FAM117A: variants seen among roughly 807,000 people sequenced by gnomAD.
FAM117A encodes protein FAM117A.
FAM117A carries 21 observed loss-of-function variants against 44.1 expected under a neutral mutation model. That is an observed-to-expected ratio of 0.48 (90% confidence interval 0.34 to 0.69). The LOEUF is 0.69. FAM117A is among the 30% of genes least tolerant of loss of function. The pLI, the probability that FAM117A is intolerant of heterozygous loss-of-function variation, is 0.01. For missense variants in FAM117A, 498 were observed against 589.9 expected (o/e 0.84, Z 1.61); for synonymous variants, 220 against 238.3 (o/e 0.92, Z 0.71).
intron 7 of FAM117A, among the ~76,000 whole-genome samples, chr17:49,712,047 G>A (rs1176328972): frequency 1.3e-5 from 2 of 152,238 alleles, no homozygotes. Context: ...TCAGAAGGCT[G>A]AGGCAGGAGA....
chr17:49,713,020 T>C (rs1419366829), intron 7 of FAM117A, among the ~76,000 whole-genome samples: 1 of 152,204 alleles, frequency 6.6e-6, no homozygotes, highest in African/African-American at 2.4e-5. Context: ...GGATTACAGA[T>C]GCCTGCCACC....
intron 1 of FAM117A, among the ~76,000 whole-genome samples, chr17:49,779,547 A>G (rs575705078): frequency 6.1e-4 from 93 of 152,260 alleles, no homozygotes; most frequent in South Asian, 1.4e-3. Context: ...GAACAGCCCC[A>G]AGACTATGGC....
upstream of FAM117A, among the ~76,000 whole-genome samples, chr17:49,768,619 G>A (rs535765031): frequency 6.6e-6 from 1 of 152,246 alleles, no homozygotes; most frequent in African/African-American, 2.4e-5. Context: ...GCTCCTCAGG[G>A]AACAAGATCC....
At chr17:49,717,479 A>C in intron 6 of FAM117A, 34 bp downstream of exon 6, 1 of 1,605,614 alleles carries the variant, frequency 6.2e-7, no homozygotes, top group South Asian at 1.1e-5. Flanking sequence ...TGTGCCCCAG[A>C]GTCAGCCCTG....
At chr17:49,741,276 T>C (rs1173900339) in intron 1 of FAM117A, among the ~76,000 whole-genome samples, 3 of 152,248 alleles carry the variant, frequency 2.0e-5, no homozygotes, top group African/African-American at 7.2e-5. Flanking sequence ...CCCCTGTTTT[T>C]TGTTTTTATT....
intron 2 of FAM117A, chr17:49,724,593 G>A (rs1252247131): frequency 2.4e-6 from 1 of 422,862 alleles, no homozygotes; most frequent in Non-Finnish European, 4.8e-6. Flanking sequence ...AACACTTTGG[G>A]AGACTGAGGC....
At chr17:49,784,526 C>T (rs2073799756) in intron 1 of FAM117A, among the ~76,000 whole-genome samples, 1 of 152,202 alleles carries the variant, frequency 6.6e-6, no homozygotes. Flanking sequence ...CAAAACCATG[C>T]CTCTTATGTA....
intron 1 of FAM117A, among the ~76,000 whole-genome samples, chr17:49,762,335 G>C (rs2073725423): frequency 6.6e-6 from 1 of 152,148 alleles, no homozygotes; most frequent in Non-Finnish European, 1.5e-5. Context: ...TAGTCTTGTG[G>C]TTTGCTTTAT....
At chr17:49,773,076 C>T (rs1311112525) in intron 1 of FAM117A, among the ~76,000 whole-genome samples, 1 of 152,106 alleles carries the variant, frequency 6.6e-6, no homozygotes, top group Non-Finnish European at 1.5e-5. Flanking sequence ...GAGGCTGAGG[C>T]GAGTGGATCA....
At chr17:49,781,012 G>A (rs1428961564) in intron 1 of FAM117A, among the ~76,000 whole-genome samples, 1 of 152,022 alleles carries the variant, frequency 6.6e-6, no homozygotes, top group Admixed American at 6.6e-5. Context: ...TGTGCTTTTA[G>A]TAGAGACGGG....
At position 49,722,612 on chromosome 17, in the gene FAM117A, CAGTG is replaced by C; in HGVS notation, c.367-22_367-19del. ...AGGGGCGTCTGCAGGGAGAGAAACA[CAGTG>C]AGACACAGCAGCTTCTTTGGCAGGC... On this transcript the variant is annotated intron_variant, in intron 2 of 7. Coordinates refer to ENST00000240364, the MANE Select transcript of FAM117A (RefSeq NM_030802.4). 1 of 1,604,650 alleles carries C rather than the reference CAGTG, an allele frequency of 6.2e-7. No homozygotes were observed. Among genetic ancestry groups the C allele is most frequent in the Non-Finnish European group, 8.5e-7 (1 of 1,172,798 alleles).
intron 1 of FAM117A, among the ~76,000 whole-genome samples, chr17:49,746,535 T>G (rs904521633): frequency 2.0e-5 from 3 of 152,198 alleles, no homozygotes; most frequent in Admixed American, 6.5e-5. Context: ...ATCAAGATAC[T>G]AAGTGAAAGA....
At chr17:49,730,592 C>A (rs1439185012) in intron 2 of FAM117A, among the ~76,000 whole-genome samples, 4 of 152,164 alleles carry the variant, frequency 2.6e-5, no homozygotes, top group Non-Finnish European at 5.9e-5. Context: ...CTTACACACT[C>A]AAAGGAATCT....
intron 1 of FAM117A, among the ~76,000 whole-genome samples, chr17:49,760,758 A>G (rs945840471): frequency 2.6e-5 from 4 of 152,190 alleles, no homozygotes; most frequent in Non-Finnish European, 5.9e-5. Context: ...TCCTAGTCCT[A>G]TTTTGTCCTT....
At position 49,719,854 on chromosome 17, in the gene FAM117A, C is replaced by T. The variant is rs368889183; in HGVS notation, c.614G>A (p.Arg205Gln). ...PSFPSGSPVL[R>Q]LSPCLHRSLE... ...GCTCCTGTGCAGGCAGGGGCTGAGTCGCAAGACAGGGGACCCTGAGGGGAA... is the reference window on the plus strand; with the variant it reads ...GCTCCTGTGCAGGCAGGGGCTGAGTTGCAAGACAGGGGACCCTGAGGGGAA... Residue 205 changes from arginine to glutamine, a missense_variant, in exon 5 of 8, where the codon CGA becomes CAA. Arg to Gln is a conservative substitution (Grantham distance 43). Coordinates refer to ENST00000240364, the MANE Select transcript of FAM117A (RefSeq NM_030802.4). The T allele has an allele frequency of 2.2e-5, 36 of 1,607,482 alleles. No homozygotes were observed. The East Asian group carries it at 3.6e-4, about 16-fold the overall frequency.
intron 1 of FAM117A, among the ~76,000 whole-genome samples, chr17:49,755,778 T>C (rs558304034): frequency 6.6e-6 from 1 of 152,214 alleles, no homozygotes; most frequent in South Asian, 2.1e-4. Flanking sequence ...GGGGGAACAG[T>C]ATGTGGGGAC....
At chr17:49,749,675 C>A (rs2073668540) in intron 1 of FAM117A, among the ~76,000 whole-genome samples, 1 of 147,860 alleles carries the variant, frequency 6.8e-6, no homozygotes, top group African/African-American at 2.4e-5. Context: ...AAGTTCCTGG[C>A]CATCCTGAAT....
At chr17:49,763,833 CA>C in intron 1 of FAM117A, 58 bp downstream of exon 1, 1 of 342,090 alleles carries the variant, frequency 2.9e-6, no homozygotes, top group Non-Finnish European at 4.3e-6. Context: ...CTCCCGCGGT[CA>C]CGCGCCCCCC....
In FAM117A at chr17:49,761,014, A is replaced by G. The variant is rs112199604; in HGVS notation, c.196+2878T>C. ...TCATTTTACGAAGACATACCTTATGATGAATGGTTGCAGAAGGCAAATCCT... is the reference window on the plus strand; with the variant it reads ...TCATTTTACGAAGACATACCTTATGGTGAATGGTTGCAGAAGGCAAATCCT... On this transcript the variant is annotated intron_variant, in intron 1 of 7. Transcript: ENST00000240364. Among the ~76,000 whole-genome samples the G allele has an allele frequency of 6.1e-3, 936 of 152,296 alleles. 7 individuals are homozygous for G. Among genetic ancestry groups the G allele is most frequent in the African/African-American group, 0.021 (893 of 41,560 alleles).
Sources: allele counts gnomAD v4.1 joint callset (sites outside exome capture counted in the v4.1 genomes callset), GRCh38; gene constraint gnomAD v4.1.1; transcripts MANE v1.5; gene names NCBI Gene and HGNC (gene_info 2026-07-23, HGNC 2026-07-21).